Variants in TTC7B observed in about 807,000 individuals in gnomAD.
TTC7B encodes tetratricopeptide repeat domain 7B.
A neutral mutation model predicts 106.8 loss-of-function variants in TTC7B; 28 were observed. The observed-to-expected ratio is 0.26, with a 90% CI of 0.19 to 0.36. TTC7B has a LOEUF of 0.36. TTC7B is among the 10% of genes least tolerant of loss of function. The pLI is 1.00. For synonymous variants in TTC7B, 405 were observed against 430.6 expected, an observed-to-expected ratio of 0.94 and a Z score of 0.74; for missense variants, 862 against 1,076.4, an observed-to-expected ratio of 0.80 and a Z score of 2.79.
At chr14:90,548,207 C>T (rs548255731) in intron 19 of TTC7B, among the ~76,000 whole-genome samples, 1 of 152,218 alleles carries the variant, frequency 6.6e-6, no homozygotes, top group Non-Finnish European at 1.5e-5. Context: ...CTCACCACAT[C>T]ACAGCCGGCC....
chr14:90,733,648 G>A (rs994865647), intron 4 of TTC7B, among the ~76,000 whole-genome samples: 13 of 152,202 alleles, frequency 8.5e-5, no homozygotes, highest in Admixed American at 4.6e-4. Flanking sequence ...GCCAACAAGC[G>A]TCCTTAACAA....
At chr14:90,674,100 T>TA (rs910640297) in intron 9 of TTC7B, among the ~76,000 whole-genome samples, 15 of 149,188 alleles carry the variant, frequency 1.0e-4, no homozygotes, top group Non-Finnish European at 1.5e-4. Flanking sequence ...GTACTTCAAT[T>TA]AAAAAAAAAA....
At chr14:90,708,651 T>C (rs1029304019) in intron 5 of TTC7B, among the ~76,000 whole-genome samples, 2 of 152,222 alleles carry the variant, frequency 1.3e-5, no homozygotes, top group Non-Finnish European at 2.9e-5. Flanking sequence ...AGAGCTCTGA[T>C]GGAGATGTAT....
chr14:90,690,017 C>T (rs1166012048), intron 6 of TTC7B, among the ~76,000 whole-genome samples: 2 of 152,200 alleles, frequency 1.3e-5, no homozygotes, highest in African/African-American at 4.8e-5. Flanking sequence ...TGGCTAAGCC[C>T]TTTCCCAAGA....
At chr14:90,702,873 C>A in intron 5 of TTC7B, among the ~76,000 whole-genome samples, 1 of 152,244 alleles carries the variant, frequency 6.6e-6, no homozygotes, top group African/African-American at 2.4e-5. Flanking sequence ...TCTCCAGCCA[C>A]GGCTTTGGGG....
Position 90,783,563 on chromosome 14 carries a change from T to C in TTC7B, c.276+2611A>G, listed in dbSNP as rs1389012843. Among the ~76,000 whole-genome samples, 3 of 152,168 alleles carry C rather than the reference T, an allele frequency of 2.0e-5. No homozygotes were observed. In the South Asian group the frequency reaches 6.2e-4, roughly 32 times the overall value. ...GGCCTGCAGCTGAGAAACATGAAGCTCAGAGAGGTTAAGTAACGTCCCAAG... is the reference window on the plus strand; with the variant it reads ...GGCCTGCAGCTGAGAAACATGAAGCCCAGAGAGGTTAAGTAACGTCCCAAG... On this transcript the variant is annotated intron_variant, in intron 2 of 19. Coordinates refer to ENST00000328459, the MANE Select transcript of TTC7B (RefSeq NM_001010854.2).
intron 8 of TTC7B, 99 bp downstream of exon 8, chr14:90,680,373 C>T (rs959476199): frequency 4.4e-6 from 4 of 901,144 alleles, no homozygotes. Flanking sequence ...AAAGTATTTT[C>T]TCTTAAGAAA....
intron 19 of TTC7B, among the ~76,000 whole-genome samples, chr14:90,548,031 G>A (rs1889910445): frequency 6.6e-6 from 1 of 152,180 alleles, no homozygotes; most frequent in Non-Finnish European, 1.5e-5. Flanking sequence ...CTTTTCCCCA[G>A]GCATAATGTT....
intron 8 of TTC7B, among the ~76,000 whole-genome samples, chr14:90,677,125 T>C (rs983845314): frequency 6.6e-5 from 10 of 152,202 alleles, no homozygotes; most frequent in African/African-American, 2.2e-4. Flanking sequence ...AATTGTGTCA[T>C]CAAGTTCCAT....
chr14:90,559,127 T>A (rs1436488629), intron 19 of TTC7B, among the ~76,000 whole-genome samples: 2 of 152,226 alleles, frequency 1.3e-5, no homozygotes, highest in African/African-American at 4.8e-5. Flanking sequence ...CACAGTGATG[T>A]GACCGCTTAC....
At position 90,608,758 on chromosome 14, in the gene TTC7B, G is replaced by GA. The variant is rs1047517966; in HGVS notation, c.1966+1983_1966+1984insT. 6.6e-6 allele frequency among the ~76,000 whole-genome samples: 1 copy of GA among 152,186 alleles called. No individual in the cohort carries two copies. Among genetic ancestry groups the GA allele is most frequent in the African/African-American group, 2.4e-5 (1 of 41,428 alleles). On this transcript the variant is annotated intron_variant, in intron 17 of 19. Transcript: ENST00000328459. The surrounding 1 kb of genome is among the most constrained non-coding windows in gnomAD (Gnocchi z 5.1). ...CACTCTAGGAAAAATGTCCCAATGGGCAACGGGAAGAATGAATAACAAGGA... is the reference window on the plus strand; with the variant it reads ...CACTCTAGGAAAAATGTCCCAATGGGACAACGGGAAGAATGAATAACAAGGA...
chr14:90,662,050 T>G (rs950009912), intron 9 of TTC7B, among the ~76,000 whole-genome samples: 1 of 152,178 alleles, frequency 6.6e-6, no homozygotes, highest in African/African-American at 2.4e-5. Context: ...TGGAGATCAC[T>G]TGGGGAGCAT....
chr14:90,636,427 TAAAAA>T (rs71117365), intron 15 of TTC7B, among the ~76,000 whole-genome samples: 1 of 99,882 alleles, frequency 1.0e-5, no homozygotes, highest in Admixed American at 1.0e-4. Flanking sequence ...AACGATGTGG[TAAAAA>T]AAAAAAAAAA....
chr14:90,720,038 T>A (rs1481215124), intron 5 of TTC7B, among the ~76,000 whole-genome samples: 1 of 147,912 alleles, frequency 6.8e-6, no homozygotes, highest in Non-Finnish European at 1.5e-5. Flanking sequence ...TTTTTTTTTT[T>A]AAGCTCATCA....
chr14:90,687,566 A>T (rs2401907), intron 7 of TTC7B, among the ~76,000 whole-genome samples: 122,863 of 152,150 alleles, frequency 0.81, 49,895 homozygotes, highest in East Asian at 0.97. Context: ...CTTGGTTATT[A>T]AGAAGCATCT....
rs548442797 is a variant in TTC7B at position 90,599,409 on chromosome 14, G to C, written c.1967-5783C>G. Among the ~76,000 whole-genome samples, 80 of 152,278 alleles carry C rather than the reference G, an allele frequency of 5.3e-4. 1 individual carries two copies. Among genetic ancestry groups the C allele is most frequent in the Admixed American group, 1.4e-3 (22 of 15,290 alleles). On this transcript the variant is annotated intron_variant, in intron 17 of 19. Coordinates refer to ENST00000328459, the MANE Select transcript of TTC7B (RefSeq NM_001010854.2). ...TGGAATCCTGCCCACCCGGTGACTT[G>C]GCGAGCATTCCAGTGCCAGGAACGA... is the stretch of plus-strand genomic sequence containing the variant.
At position 90,757,010 on chromosome 14, in the gene TTC7B, C is replaced by T. The variant is rs1198696150; in HGVS notation, c.446-12088G>A. ...GCCACATGCAATACACCCATCTAGC[C>T]GCCCACCATGAGCAGAATCCAGAAT... On this transcript the variant is annotated intron_variant, in intron 3 of 19. Transcript: ENST00000328459. The surrounding 1 kb of genome is among the most constrained non-coding windows in gnomAD (Gnocchi z 4.1). Among the ~76,000 whole-genome samples, 1 of 152,150 alleles carries T rather than the reference C, an allele frequency of 6.6e-6. No individual in the cohort carries two copies. Among genetic ancestry groups the T allele is most frequent in the Non-Finnish European group, 1.5e-5 (1 of 68,032 alleles).
chr14:90,705,322 C>G (rs538592430), intron 5 of TTC7B, among the ~76,000 whole-genome samples: 21 of 152,288 alleles, frequency 1.4e-4, no homozygotes, highest in Admixed American at 1.2e-3. Context: ...TCCAGATGAT[C>G]TGCCAGCCAA....
At chr14:90,611,809 G>A (rs1287551844) in intron 16 of TTC7B, among the ~76,000 whole-genome samples, 1 of 152,178 alleles carries the variant, frequency 6.6e-6, no homozygotes, top group East Asian at 1.9e-4. Flanking sequence ...ATTCTAGGAG[G>A]CTCGTAGGTA....
Sources: allele counts gnomAD v4.1 joint callset (sites outside exome capture counted in the v4.1 genomes callset), GRCh38; gene constraint gnomAD v4.1.1; non-coding constraint Gnocchi (gnomAD v3.1); transcripts MANE v1.5; gene names NCBI Gene and HGNC (gene_info 2026-07-23, HGNC 2026-07-21).